The following TMEM108 variants were observed in gnomAD, a reference collection of about 807,000 sequenced individuals.
The protein encoded by TMEM108 is transmembrane protein 108, also known as cancer/testis antigen 124.
TMEM108 carries 12 observed loss-of-function variants against 35.1 expected under a neutral mutation model. The observed-to-expected ratio is 0.34, with a 90% CI of 0.22 to 0.55. The LOEUF (loss-of-function observed/expected upper bound fraction) is 0.55, where lower values mean the gene tolerates loss of function less well. Among genes scored for constraint, TMEM108 ranks in the 20% least tolerant of loss-of-function variants. The pLI, the probability that TMEM108 is intolerant of heterozygous loss-of-function variation, is 0.89. For missense variants in TMEM108, 680 were observed against 753.3 expected, an observed-to-expected ratio of 0.90 and a Z score of 1.14; for synonymous variants, 287 against 308.6, an observed-to-expected ratio of 0.93 and a Z score of 0.73.
At chr3:133,090,260 C>T (rs1226712657) in intron 2 of TMEM108, among the ~76,000 whole-genome samples, 2 of 152,206 alleles carry the variant, frequency 1.3e-5, no homozygotes, top group Non-Finnish European at 1.5e-5. Flanking sequence ...ATACAAAACA[C>T]CTGGAACCAA....
chr3:133,104,760 A>C (rs1283210832), intron 2 of TMEM108, among the ~76,000 whole-genome samples: 1 of 152,170 alleles, frequency 6.6e-6, no homozygotes, highest in Non-Finnish European at 1.5e-5. Context: ...CTAGCACCTC[A>C]CAGGAGAGCC....
intron 2 of TMEM108, among the ~76,000 whole-genome samples, chr3:133,166,258 A>G (rs775537961): frequency 1.3e-5 from 2 of 152,216 alleles, no homozygotes; most frequent in Non-Finnish European, 2.9e-5. Flanking sequence ...GGCTTCATAC[A>G]TAGGTGATGG....
chr3:133,367,535 A>T (rs1159591325), intron 3 of TMEM108, among the ~76,000 whole-genome samples: 3 of 152,276 alleles, frequency 2.0e-5, no homozygotes, highest in Non-Finnish European at 4.4e-5. Context: ...AAGGATGCAC[A>T]GCTGTGTTGC....
At chr3:133,309,665 C>T (rs1478957962) in intron 3 of TMEM108, among the ~76,000 whole-genome samples, 4 of 121,564 alleles carry the variant, frequency 3.3e-5, no homozygotes, top group African/African-American at 9.4e-5. Flanking sequence ...TGTAGTTATG[C>T]GGGTTTGAGT....
Position 133,380,375 on chromosome 3 carries a change from G to A in TMEM108, c.664G>A (p.Gly222Ser). 6.2e-7 allele frequency: 1 copy of A among 1,613,774 alleles called. No individual in the cohort carries two copies. The highest frequency in any genetic ancestry group is 8.5e-7 in the Non-Finnish European group (1 of 1,179,832). The change falls in exon 4 of 6, where the codon GGC becomes AGC. Residue 222 changes from glycine to serine, a missense_variant. Transcript: ENST00000321871. The surrounding 1 kb of genome is among the most constrained non-coding windows in gnomAD (Gnocchi z 5.3). ...PLGKIFQIYK[G>S]NFTGSVEPEP... is the part of the protein sequence containing the mutation. ...GGGGAAAATCTTTCAGATCTACAAG[G>A]GCAACTTCACAGGGTCTGTGGAACC...
intron 2 of TMEM108, among the ~76,000 whole-genome samples, chr3:133,180,723 T>A (rs909942506): frequency 6.6e-6 from 1 of 152,126 alleles, no homozygotes; most frequent in African/African-American, 2.4e-5. Flanking sequence ...ACATAAATAT[T>A]TGCAGCTTGA....
chr3:133,335,207 G>A (rs763554149), intron 3 of TMEM108, among the ~76,000 whole-genome samples: 11 of 152,106 alleles, frequency 7.2e-5, no homozygotes, highest in Admixed American at 3.9e-4. Context: ...AAAGTCCTCC[G>A]CTGGATGACA....
chr3:133,077,958 G>T (rs2076486569), intron 2 of TMEM108, among the ~76,000 whole-genome samples: 1 of 152,158 alleles, frequency 6.6e-6, no homozygotes. Context: ...GATCACCCCA[G>T]ATGCTGCCAG....
At chr3:133,170,583 C>CA (rs964719694) in intron 2 of TMEM108, among the ~76,000 whole-genome samples, 12 of 151,456 alleles carry the variant, frequency 7.9e-5, no homozygotes, top group South Asian at 2.1e-4. Context: ...AGACATCATC[C>CA]AAAAAAAAGC....
rs1946892096 is a variant in TMEM108 at position 133,280,090 on chromosome 3, C to T, written c.40+50739C>T. 2.0e-5 allele frequency among the ~76,000 whole-genome samples: 3 copies of T among 148,966 alleles called. No homozygotes were observed. The South Asian group carries it at 6.3e-4, about 31-fold the overall frequency. On this transcript the variant is annotated intron_variant, in intron 3 of 5. Transcript: ENST00000321871. ...GCTTAAGAAGGATTTAAAAGATCCC[C>T]AGTCAGAGGAGTCAGGTGAGGTGGT...
At chr3:133,211,048 T>C (rs1056203051) in intron 2 of TMEM108, among the ~76,000 whole-genome samples, 4 of 152,154 alleles carry the variant, frequency 2.6e-5, no homozygotes, top group Admixed American at 2.6e-4. Flanking sequence ...AAAAGCAAAT[T>C]TGAGGTTAAA....
chr3:133,153,628 G>A (rs781041253), intron 2 of TMEM108, among the ~76,000 whole-genome samples: 3 of 152,124 alleles, frequency 2.0e-5, no homozygotes, highest in Admixed American at 6.6e-5. Flanking sequence ...CTTGGCTTTT[G>A]ATCCTTCCAA....
At chr3:133,374,516 GTA>G (rs145153918) in intron 3 of TMEM108, among the ~76,000 whole-genome samples, 1,825 of 147,998 alleles carry the variant, frequency 0.012, 17 homozygotes, top group South Asian at 0.021. Flanking sequence ...AAGTGTGTAT[GTA>G]TATGTGTGTA....
intron 2 of TMEM108, among the ~76,000 whole-genome samples, chr3:133,104,239 T>C (rs1471095128): frequency 6.6e-6 from 1 of 152,202 alleles, no homozygotes; most frequent in Admixed American, 6.5e-5. Flanking sequence ...CATAGCAAAT[T>C]ATAGGATACA....
chr3:133,192,295 T>A (rs1042000711), intron 2 of TMEM108, among the ~76,000 whole-genome samples: 2 of 152,202 alleles, frequency 1.3e-5, no homozygotes, highest in Admixed American at 1.3e-4. Flanking sequence ...TCCTCTTATT[T>A]TGGACACATT....
At chr3:133,301,131 A>G (rs1007304885) in intron 3 of TMEM108, among the ~76,000 whole-genome samples, 1 of 152,078 alleles carries the variant, frequency 6.6e-6, no homozygotes, top group African/African-American at 2.4e-5. Flanking sequence ...TTATTGGAAG[A>G]TCTCTTATTC....
At chr3:133,188,188 T>G (rs1314007971) in intron 2 of TMEM108, among the ~76,000 whole-genome samples, 5 of 152,230 alleles carry the variant, frequency 3.3e-5, no homozygotes, top group African/African-American at 9.6e-5. Context: ...CATTTAATTT[T>G]CTTGGAAACC....
At chr3:133,040,716 A>T (rs1382894027) in intron 1 of TMEM108, among the ~76,000 whole-genome samples, 1 of 152,234 alleles carries the variant, frequency 6.6e-6, no homozygotes, top group African/African-American at 2.4e-5. Flanking sequence ...GCAAGGGACA[A>T]CAAAAAGATT....
chr3:133,182,417 A>G (rs1427210260), intron 2 of TMEM108, among the ~76,000 whole-genome samples: 1 of 152,130 alleles, frequency 6.6e-6, no homozygotes, highest in Admixed American at 6.6e-5. Flanking sequence ...GCCGCCTGAG[A>G]TTCTAGTATG....
Sources: allele counts gnomAD v4.1 joint callset (sites outside exome capture counted in the v4.1 genomes callset), GRCh38; gene constraint gnomAD v4.1.1; non-coding constraint Gnocchi (gnomAD v3.1); transcripts MANE v1.5; gene names NCBI Gene and HGNC (gene_info 2026-07-23, HGNC 2026-07-21).